GLCCI1: variants seen among roughly 807,000 people sequenced by gnomAD.
GLCCI1 encodes the protein glucocorticoid induced 1.
GLCCI1 carries 24 observed loss-of-function variants against 52.2 expected under a neutral mutation model. The observed-to-expected ratio is 0.46, with a 90% CI of 0.33 to 0.65. GLCCI1 has a LOEUF of 0.65. GLCCI1 is among the 30% of genes least tolerant of loss of function. GLCCI1 has a pLI of 0.02. For synonymous variants in GLCCI1, 310 were observed against 276.5 expected, an observed-to-expected ratio of 1.12 and a Z score of -1.20; for missense variants, 704 against 701.5, an observed-to-expected ratio of 1.00 and a Z score of -0.04.
intron 6 of GLCCI1, among the ~76,000 whole-genome samples, chr7:8,074,580 G>T (rs1782834358): frequency 6.6e-6 from 1 of 152,058 alleles, no homozygotes; most frequent in South Asian, 2.1e-4. Flanking sequence ...AGCTAATTAG[G>T]AGGCTGAGAC....
At chr7:8,085,482 GT>G (rs1266271925) in intron 7 of GLCCI1, among the ~76,000 whole-genome samples, 4 of 152,208 alleles carry the variant, frequency 2.6e-5, no homozygotes, top group African/African-American at 9.6e-5. Context: ...ATATGTGTAA[GT>G]TAGAAATGAA....
At chr7:8,031,128 G>A (rs1781738463) in intron 3 of GLCCI1, among the ~76,000 whole-genome samples, 1 of 152,152 alleles carries the variant, frequency 6.6e-6, no homozygotes. Flanking sequence ...CCAAGATTTG[G>A]AAGCAGCCTA....
At chr7:7,997,720 G>A (rs919903583) in intron 1 of GLCCI1, among the ~76,000 whole-genome samples, 8 of 152,152 alleles carry the variant, frequency 5.3e-5, no homozygotes, top group Non-Finnish European at 1.0e-4. Flanking sequence ...CTGAGGTCAG[G>A]AATTCAAGAC....
At chr7:7,970,143 A>G (rs988845531) in intron 1 of GLCCI1, among the ~76,000 whole-genome samples, 1 of 152,160 alleles carries the variant, frequency 6.6e-6, no homozygotes, top group African/African-American at 2.4e-5. Flanking sequence ...CACGCACACA[A>G]ACTCTTCAGC....
intron 3 of GLCCI1, among the ~76,000 whole-genome samples, chr7:8,030,070 A>G (rs1781711838): frequency 6.6e-6 from 1 of 152,212 alleles, no homozygotes; most frequent in South Asian, 2.1e-4. Flanking sequence ...GAATGACAAA[A>G]GACCCAGAAT....
intron 2 of GLCCI1, among the ~76,000 whole-genome samples, chr7:8,005,582 G>T (rs1440398447): frequency 6.6e-6 from 1 of 152,082 alleles, no homozygotes; most frequent in Non-Finnish European, 1.5e-5. Context: ...TCTAACACAG[G>T]CTAATCTGTT....
rs541995645 is a variant in GLCCI1, at chr7:8,016,487, C to A, written c.610-5996C>A. On this transcript the variant is annotated intron_variant, in intron 2 of 7. Transcript: ENST00000223145. ...CCATCTCAAAAACAAACAAAAAAAA[C>A]CAATTAAGATCATAGAGTTATAGTT... Among the ~76,000 whole-genome samples the A allele has an allele frequency of 1.2e-4, 18 of 151,728 alleles. 1 individual carries two copies. Among genetic ancestry groups the A allele is most frequent in the South Asian group, 6.3e-4 (3 of 4,794 alleles).
chr7:7,985,300 G>A (rs956345481), intron 1 of GLCCI1, among the ~76,000 whole-genome samples: 7 of 152,058 alleles, frequency 4.6e-5, no homozygotes, highest in African/African-American at 1.2e-4. Context: ...AATAGCATGC[G>A]CACCCTAAAG....
intron 1 of GLCCI1, among the ~76,000 whole-genome samples, chr7:7,993,914 G>T (rs760169157): frequency 6.6e-6 from 1 of 152,108 alleles, no homozygotes; most frequent in Non-Finnish European, 1.5e-5. Flanking sequence ...GGTATGATGG[G>T]TTTATATCCT....
At position 8,055,928 on chromosome 7, in the gene GLCCI1, G is replaced by A. The variant is rs1175900657; in HGVS notation, c.813+379G>A. ...GAATGGTATGAACCCGGGAGGCGGA[G>A]CTTGCAGTGAGCCAAGATCGCGCCG... On this transcript the variant is annotated intron_variant, in intron 4 of 7. Transcript: ENST00000223145. Among the ~76,000 whole-genome samples the A allele has an allele frequency of 4.6e-5, 7 of 151,094 alleles. No homozygotes were observed. The South Asian group carries it at 6.2e-4, about 13-fold the overall frequency.
intron 1 of GLCCI1, chr7:7,981,942 G>A: frequency 4.5e-6 from 2 of 442,882 alleles, no homozygotes; most frequent in South Asian, 3.3e-5. Context: ...TGAAGTAAAA[G>A]AAGATGAAGA....
chr7:8,067,994 C>T (rs1782669831), intron 5 of GLCCI1, among the ~76,000 whole-genome samples: 1 of 152,076 alleles, frequency 6.6e-6, no homozygotes, highest in Non-Finnish European at 1.5e-5. Context: ...GCCAGTGCAT[C>T]GTGGATTTAG....
At chr7:8,010,770 CAT>C (rs1483928715) in intron 2 of GLCCI1, among the ~76,000 whole-genome samples, 2 of 152,012 alleles carry the variant, frequency 1.3e-5, no homozygotes, top group Non-Finnish European at 2.9e-5. Context: ...TTGGGGGACA[CAT>C]ATTTTGAGAA....
At chr7:8,047,414 G>A (rs558095339) in intron 3 of GLCCI1, among the ~76,000 whole-genome samples, 1 of 152,164 alleles carries the variant, frequency 6.6e-6, no homozygotes, top group Non-Finnish European at 1.5e-5. Flanking sequence ...ATTAAGTAGG[G>A]TTTAAGATGT....
At chr7:8,038,637 G>A (rs112295477) in intron 3 of GLCCI1, among the ~76,000 whole-genome samples, 239 of 152,234 alleles carry the variant, frequency 1.6e-3, no homozygotes, top group African/African-American at 5.4e-3. Flanking sequence ...TGTAAGACCT[G>A]AACCTATAAA....
At chr7:8,000,605 A>G (rs1157923480) in intron 1 of GLCCI1, among the ~76,000 whole-genome samples, 2 of 152,204 alleles carry the variant, frequency 1.3e-5, no homozygotes, top group Non-Finnish European at 2.9e-5. Flanking sequence ...ACTTTGTTTT[A>G]TGATACACAT....
chr7:7,969,474 G>A lies in GLCCI1; in HGVS notation c.124G>A (p.Gly42Ser), dbSNP rs1021717468. The A allele has an allele frequency of 1.1e-5, 12 of 1,061,628 alleles. No homozygotes were observed. The highest frequency in any genetic ancestry group is 1.4e-5 in the Non-Finnish European group (12 of 882,212). The allele number at this position is 1,061,628 out of a possible 1,614,324, so 65.8% of individuals were successfully genotyped here. A position where few individuals can be genotyped will look rare whatever the true frequency, so the allele number is the denominator to read the frequency against. Residue 42 changes from glycine to serine, a missense_variant, in exon 1 of 8, where the codon GGT becomes AGT. By Grantham distance (56) the Gly-to-Ser change is moderately conservative. This residue lies in a region of GLCCI1 where 547 missense variants were observed against 524.8 expected (regional missense o/e 1.04). Transcript: ENST00000223145. The surrounding 1 kb of genome is among the most constrained non-coding windows in gnomAD (Gnocchi z 4.9). ...CGTCGCCGCCGCCGGGAGCGGGAAC[G>A]GTGCGGGCGGCGGCGGCGGCGTGGG... is the stretch of plus-strand genomic sequence containing the variant. ...PAVAAAGSGN[G>S]AGGGGGVGCA...
chr7:8,059,218 C>A (rs1782463840), intron 4 of GLCCI1, among the ~76,000 whole-genome samples: 1 of 152,058 alleles, frequency 6.6e-6, no homozygotes, highest in Non-Finnish European at 1.5e-5. Context: ...AGAGTTAAAA[C>A]CTCAATATGA....
Position 8,055,594 on chromosome 7 carries a change from A to T in GLCCI1, c.813+45A>T, listed in dbSNP as rs199506789. On this transcript the variant is annotated intron_variant, in intron 4 of 7. Transcript: ENST00000223145. ...AGATTTGAATAATTACTTTTAGTTCATTAAGGAAGGGAATTCATCATTTCA... is the reference window on the plus strand; with the variant it reads ...AGATTTGAATAATTACTTTTAGTTCTTTAAGGAAGGGAATTCATCATTTCA... 1,282 of 1,110,176 alleles carry T rather than the reference A, an allele frequency of 1.2e-3. 1 individual carries two copies. Among genetic ancestry groups the T allele is most frequent in the Middle Eastern group, 1.8e-3 (9 of 5,086 alleles). 68.8% of individuals were successfully genotyped at this position (1,110,176 alleles called of 1,614,324 possible).
Sources: gnomAD v4.1 joint callset for allele counts (sites outside exome capture counted in the v4.1 genomes callset) on GRCh38, gnomAD v4.1.1 for gene constraint, gnomAD v4.1.1 regional missense constraint, Gnocchi (gnomAD v3.1) non-coding constraint, MANE v1.5 for transcripts, NCBI Gene and HGNC (gene_info 2026-07-23, HGNC 2026-07-21) for gene names.